Variants in MAP4 observed in about 807,000 individuals in gnomAD.
The protein encoded by MAP4 is microtubule-associated protein 4.
A neutral mutation model predicts 170.2 loss-of-function variants in MAP4; 76 were observed. The observed-to-expected ratio is 0.45, with a 90% CI of 0.37 to 0.54. MAP4 has a LOEUF of 0.54. MAP4 is among the 20% of genes least tolerant of loss of function. MAP4 has a pLI of 0.00. For missense variants in MAP4, 2,506 were observed against 2,748.0 expected (o/e 0.91, Z 1.97); for synonymous variants, 909 against 994.5 (o/e 0.91, Z 1.62).
intron 16 of MAP4, among the ~76,000 whole-genome samples, chr3:47,868,126 G>T (rs555715107): frequency 6.6e-6 from 1 of 152,304 alleles, no homozygotes; most frequent in South Asian, 2.1e-4. Context: ...AATCCTGGGG[G>T]CACAACCACA....
At chr3:47,998,498 G>C (rs368905639) in intron 2 of MAP4, 140 bp downstream of exon 2, 29 of 670,962 alleles carry the variant, frequency 4.3e-5, no homozygotes, top group Non-Finnish European at 2.9e-5. Flanking sequence ...CTACCTCCTC[G>C]GTATCTAACA....
intron 1 of MAP4, among the ~76,000 whole-genome samples, chr3:48,079,072 G>C (rs976611194): frequency 6.6e-6 from 1 of 152,114 alleles, no homozygotes; most frequent in Admixed American, 6.6e-5. Context: ...TCAAGAGGCT[G>C]AGGCAGGAGG....
chr3:47,926,075 C>T (rs1388855720), intron 4 of MAP4, among the ~76,000 whole-genome samples: 11 of 151,906 alleles, frequency 7.2e-5, no homozygotes, highest in East Asian at 1.9e-4. Context: ...AGGCTGGTCT[C>T]GAACTCCTGA....
intron 1 of MAP4, among the ~76,000 whole-genome samples, chr3:48,075,210 G>C (rs2100143223): frequency 6.6e-6 from 1 of 152,148 alleles, no homozygotes; most frequent in Non-Finnish European, 1.5e-5. Flanking sequence ...TACTGGCATA[G>C]ACGTACACCA....
chr3:48,045,028 A>G (rs1169465585), intron 1 of MAP4, among the ~76,000 whole-genome samples: 1 of 151,796 alleles, frequency 6.6e-6, no homozygotes, highest in African/African-American at 2.4e-5. Context: ...AAGCTGAGGC[A>G]GGCAAATCAC....
At position 47,871,922 on chromosome 3, in the gene MAP4, G is replaced by C; in HGVS notation, c.5936C>G (p.Pro1979Arg). 1 of 1,609,238 alleles carries C rather than the reference G, an allele frequency of 6.2e-7. No homozygotes were observed. Among genetic ancestry groups the C allele is most frequent in the East Asian group, 2.2e-5 (1 of 44,722 alleles). Reference sequence around the variant, plus strand: ...GAGAGAAAGGCAATACTCACCAGTGGGCTTCTTGGGCAGGAGCGTGGAGGG... The same window carrying C: ...GAGAGAAAGGCAATACTCACCAGTGCGCTTCTTGGGCAGGAGCGTGGAGGG... ...RSPSTLLPKK[P>R]TAIKTEGKPA... The change falls in exon 13 of 21, where the codon CCC becomes CGC. Residue 1979 changes from proline to arginine, a missense_variant. By Grantham distance (103) the Pro-to-Arg change is moderately radical. Transcript: ENST00000683076.
intron 17 of MAP4, among the ~76,000 whole-genome samples, chr3:47,858,786 C>T (rs968970017): frequency 7.2e-5 from 11 of 151,762 alleles, no homozygotes; most frequent in African/African-American, 2.4e-4. Flanking sequence ...GCCTGGCCAG[C>T]ACAGTGAAAC....
At chr3:47,994,674 A>T (rs889497188) in intron 2 of MAP4, among the ~76,000 whole-genome samples, 6 of 152,338 alleles carry the variant, frequency 3.9e-5, no homozygotes, top group African/African-American at 1.4e-4. Context: ...TTTGATATGT[A>T]AATGGTGGCT....
chr3:48,045,572 T>A (rs776643763), intron 1 of MAP4, among the ~76,000 whole-genome samples: 1 of 152,092 alleles, frequency 6.6e-6, no homozygotes, highest in Non-Finnish European at 1.5e-5. Flanking sequence ...TCCCCTTCCA[T>A]GGAAAAACTG....
Position 48,012,057 on chromosome 3 carries a change from C to T in MAP4, c.-20+4277G>A, listed in dbSNP as rs142688367. On this transcript the variant is annotated intron_variant, in intron 1 of 20. Transcript: ENST00000683076. ...GGCATGATTGATCCCCATCCTTCAC[C>T]TATTTAACCTGTACCTACCCTTTCC... Among the ~76,000 whole-genome samples the T allele has an allele frequency of 4.1e-3, 627 of 152,292 alleles. 5 individuals carry two copies. The highest frequency in any genetic ancestry group is 0.014 in the African/African-American group (592 of 41,546).
intron 1 of MAP4, among the ~76,000 whole-genome samples, chr3:48,067,670 C>T (rs2154562709): frequency 6.7e-6 from 1 of 148,874 alleles, no homozygotes; most frequent in South Asian, 2.1e-4. Context: ...GACAGAGTCT[C>T]ACTCTGCCAC....
chr3:47,985,351 C>G (rs1400863826), intron 2 of MAP4, among the ~76,000 whole-genome samples: 1 of 151,992 alleles, frequency 6.6e-6, no homozygotes, highest in African/African-American at 2.4e-5. Context: ...GGCTGGAAGA[C>G]TGCTTGAGCC....
chr3:47,876,235 G>A (rs572316373), intron 11 of MAP4, among the ~76,000 whole-genome samples: 2 of 151,174 alleles, frequency 1.3e-5, no homozygotes, highest in African/African-American at 2.4e-5. Flanking sequence ...AGGTTCAAGC[G>A]ATTCTCCTGC....
At chr3:48,069,554 G>A (rs1221686464) in intron 1 of MAP4, among the ~76,000 whole-genome samples, 1 of 152,170 alleles carries the variant, frequency 6.6e-6, no homozygotes, top group Non-Finnish European at 1.5e-5. Context: ...ACAACACACT[G>A]TTGAAAGGCA....
intron 3 of MAP4, among the ~76,000 whole-genome samples, chr3:47,965,054 T>C (rs2100074045): frequency 6.6e-6 from 1 of 152,212 alleles, no homozygotes; most frequent in South Asian, 2.1e-4. Flanking sequence ...CATTCTACTT[T>C]GTTTCTGTAA....
chr3:47,990,878 A>T (rs573755636), intron 2 of MAP4, among the ~76,000 whole-genome samples: 1 of 152,286 alleles, frequency 6.6e-6, no homozygotes, highest in South Asian at 2.1e-4. Flanking sequence ...CAAAACAAGT[A>T]GTACACATAT....
At chr3:48,026,664 G>C (rs1034258306) in intron 1 of MAP4, among the ~76,000 whole-genome samples, 5 of 151,986 alleles carry the variant, frequency 3.3e-5, no homozygotes, top group Admixed American at 6.6e-5. Flanking sequence ...ATTAATAAAA[G>C]ACTAAATTTC....
At chr3:47,992,707 C>G (rs1464284945) in intron 2 of MAP4, among the ~76,000 whole-genome samples, 1 of 151,936 alleles carries the variant, frequency 6.6e-6, no homozygotes, top group Non-Finnish European at 1.5e-5. Context: ...ACTCATACTC[C>G]AGCCTGACCA....
chr3:48,006,593 TGGTG>T (rs1306049148), intron 1 of MAP4, among the ~76,000 whole-genome samples: 2 of 152,124 alleles, frequency 1.3e-5, no homozygotes, highest in Non-Finnish European at 2.9e-5. Flanking sequence ...AGGGCTATCA[TGGTG>T]GGAAAGGCCA....
Sources: allele counts gnomAD v4.1 joint callset (sites outside exome capture counted in the v4.1 genomes callset), GRCh38; gene constraint gnomAD v4.1.1; transcripts MANE v1.5; gene names NCBI Gene and HGNC (gene_info 2026-07-23, HGNC 2026-07-21).